RGS6: variants seen among roughly 807,000 people sequenced by gnomAD.
The protein encoded by RGS6 is regulator of G-protein signaling 6.
In RGS6, 30 loss-of-function variants were observed where a neutral mutation model predicts 78.5. That is an observed-to-expected ratio of 0.38 (90% CI 0.29 to 0.52). The LOEUF (loss-of-function observed/expected upper bound fraction) is 0.52, where lower values mean the gene tolerates loss of function less well. Among genes scored for constraint, RGS6 ranks in the 20% least tolerant of loss-of-function variants. The probability of loss-of-function intolerance (pLI) is 0.85; values close to 1 mark genes in which losing one functional copy is unlikely to be tolerated. For missense variants in RGS6, 495 were observed against 609.7 expected (o/e 0.81, Z 1.98); for synonymous variants, 206 against 206.0 (o/e 1.00, Z 0.00).
Position 72,562,751 on chromosome 14 carries a change from T to A in RGS6, c.*284T>A. ...CACTCCACTCGCTAAGAGGCCCTGA[T>A]CCCAGCTCATTCAGGGGAGAACACG... On this transcript the variant is annotated 3_prime_UTR_variant, in exon 18 of 18. Coordinates refer to ENST00000553525, the MANE Select transcript of RGS6 (RefSeq NM_001204424.2). 5 of 1,535,432 alleles carry A rather than the reference T, an allele frequency of 3.3e-6. No homozygotes were observed. Among genetic ancestry groups the A allele is most frequent in the Non-Finnish European group, 4.4e-6 (5 of 1,146,262 alleles).
At chr14:72,605,883 A>G in the RGS6 span, among the ~76,000 whole-genome samples, 1 of 152,278 alleles carries the variant, frequency 6.6e-6, no homozygotes, top group Admixed American at 6.5e-5. Flanking sequence ...CCCACCATCT[A>G]GCCCCAAAGA....
chr14:72,280,766 A>G (rs1044179694), intron 2 of RGS6, among the ~76,000 whole-genome samples: 20 of 152,364 alleles, frequency 1.3e-4, no homozygotes, highest in African/African-American at 4.6e-4. Context: ...ATGCTGAAAC[A>G]GAGGTTACTT....
chr14:71,885,616 A>G, the RGS6 span, among the ~76,000 whole-genome samples: 1 of 152,238 alleles, frequency 6.6e-6, no homozygotes, highest in East Asian at 1.9e-4. Context: ...AAAGAGCCCC[A>G]GGAGGATCTG....
At chr14:72,567,864 G>A (rs533384368), downstream of RGS6, among the ~76,000 whole-genome samples, 7 of 152,262 alleles carry the variant, frequency 4.6e-5, no homozygotes, top group South Asian at 2.1e-4. Context: ...CCTGACCCCC[G>A]TCGTGGGACT....
intron 3 of RGS6, among the ~76,000 whole-genome samples, chr14:72,381,750 C>T (rs762578548): frequency 6.6e-6 from 1 of 152,002 alleles, no homozygotes; most frequent in Admixed American, 6.6e-5. Context: ...ATGATAAATA[C>T]TGTGGTAAGT....
At chr14:71,926,585 G>GAAAAAAAAAA in the RGS6 span, among the ~76,000 whole-genome samples, 2,339 of 51,078 alleles carry the variant, frequency 0.046, 148 homozygotes, top group East Asian at 0.2. Flanking sequence ...CTCTGTCTCA[G>GAAAAAAAAAA]AAAAAAAAAA....
chr14:72,270,028 G>A (rs545979052), intron 2 of RGS6, among the ~76,000 whole-genome samples: 18 of 152,278 alleles, frequency 1.2e-4, no homozygotes, highest in African/African-American at 2.9e-4. Context: ...TTGTAGCAGC[G>A]TACAACACAT....
At chr14:72,623,707 T>C in the RGS6 span, among the ~76,000 whole-genome samples, 1 of 152,184 alleles carries the variant, frequency 6.6e-6, no homozygotes. Context: ...TCAGTATAAA[T>C]TCATGGTGTA....
chr14:72,599,409 T>G, the RGS6 span, among the ~76,000 whole-genome samples: 15 of 117,022 alleles, frequency 1.3e-4, no homozygotes, highest in South Asian at 6.5e-4. Flanking sequence ...TTTTTTTTTT[T>G]TTTTTTTTTT....
chr14:72,402,887 C>A (rs2092590907), intron 3 of RGS6, among the ~76,000 whole-genome samples: 1 of 142,180 alleles, frequency 7.0e-6, no homozygotes, highest in Non-Finnish European at 1.5e-5. Context: ...ACCTCCATCT[C>A]CTGGGTTCAA....
intron 2 of RGS6, among the ~76,000 whole-genome samples, chr14:72,171,128 A>G (rs1010434085): frequency 1.4e-5 from 2 of 146,226 alleles, no homozygotes; most frequent in African/African-American, 2.8e-5. Flanking sequence ...ATATCCATGC[A>G]TGCACACACA....
intron 2 of RGS6, among the ~76,000 whole-genome samples, chr14:71,975,731 A>G (rs1176493342): frequency 6.6e-6 from 1 of 152,228 alleles, no homozygotes; most frequent in Non-Finnish European, 1.5e-5. Context: ...TGCTGGGATT[A>G]TAGGCATGAG....
At chr14:72,120,515 A>C (rs879396300) in intron 2 of RGS6, among the ~76,000 whole-genome samples, 1 of 152,222 alleles carries the variant, frequency 6.6e-6, no homozygotes, top group Non-Finnish European at 1.5e-5. Context: ...GAAACCACAC[A>C]TACCATAACA....
At chr14:72,443,618 A>G (rs1205930236) in intron 3 of RGS6, among the ~76,000 whole-genome samples, 1 of 152,250 alleles carries the variant, frequency 6.6e-6, no homozygotes, top group Non-Finnish European at 1.5e-5. Context: ...AAATGTTCAT[A>G]CACTACTTTT....
intron 1 of RGS6, among the ~76,000 whole-genome samples, chr14:71,942,089 AAG>A (rs1226296629): frequency 2.0e-5 from 3 of 152,222 alleles, no homozygotes; most frequent in Non-Finnish European, 4.4e-5. Context: ...GTCAAGACAA[AAG>A]AATAATCATC....
At chr14:72,312,619 C>T (rs2068928199) in intron 2 of RGS6, among the ~76,000 whole-genome samples, 1 of 152,268 alleles carries the variant, frequency 6.6e-6, no homozygotes, top group East Asian at 1.9e-4. Context: ...CATAGTTATG[C>T]GTAGGAGTAA....
At chr14:72,539,808 C>T (rs969395410) in intron 16 of RGS6, among the ~76,000 whole-genome samples, 4 of 152,242 alleles carry the variant, frequency 2.6e-5, no homozygotes, top group Non-Finnish European at 4.4e-5. Context: ...AAGCCCCCCT[C>T]TCTGCTCCCT....
chr14:72,606,913 CAAT>C, the RGS6 span, among the ~76,000 whole-genome samples: 1 of 152,306 alleles, frequency 6.6e-6, no homozygotes, highest in African/African-American at 2.4e-5. Context: ...TGCTCCTCCT[CAAT>C]TGAAAGCTTC....
At chr14:72,262,719 G>GA (rs1218540950) in intron 2 of RGS6, among the ~76,000 whole-genome samples, 4 of 152,172 alleles carry the variant, frequency 2.6e-5, no homozygotes, top group African/African-American at 7.2e-5. Flanking sequence ...AATTACCTGT[G>GA]AAATTTTCTT....
Sources: allele counts gnomAD v4.1 joint callset (sites outside exome capture counted in the v4.1 genomes callset), GRCh38; gene constraint gnomAD v4.1.1; transcripts MANE v1.5; gene names NCBI Gene and HGNC (gene_info 2026-07-23, HGNC 2026-07-21).